Variants in SNX31 observed in about 807,000 individuals in gnomAD.
SNX31 encodes sorting nexin 31.
A neutral mutation model predicts 65.4 loss-of-function variants in SNX31; 58 were observed. That is an observed-to-expected ratio of 0.89 (90% CI 0.72 to 1.10). SNX31 has a LOEUF of 1.10. Ranked by LOEUF, SNX31 falls within the 50% of genes least tolerant of loss-of-function variation. The pLI is 0.00. For missense variants in SNX31, 523 were observed against 529.7 expected, an observed-to-expected ratio of 0.99 and a Z score of 0.12; for synonymous variants, 181 against 190.1, an observed-to-expected ratio of 0.95 and a Z score of 0.39.
At position 100,660,290 on chromosome 8, in the gene SNX31, A is replaced by G. The variant is rs551072982; in HGVS notation, c.-58+2852T>C. Among the ~76,000 whole-genome samples, 1 of 152,234 alleles carries G rather than the reference A, an allele frequency of 6.6e-6. No homozygotes were observed. The highest frequency in any genetic ancestry group is 2.1e-4 in the South Asian group (1 of 4,836). ...ATGCTGATTTTCAGATTAAAAAACT[A>G]AAGCAGAAAGAGGTGAGCTTGTCCC... On this transcript the variant is annotated intron_variant, in intron 1 of 5. Coordinates refer to the SNX31 transcript ENST00000520352. The surrounding 1 kb of genome is among the most constrained non-coding windows in gnomAD (Gnocchi z 4.1).
rs141084195 is a variant in SNX31 at position 100,645,654 on chromosome 8, C to G, written c.141+3620G>C. Among the ~76,000 whole-genome samples the G allele has an allele frequency of 1.4e-3, 196 of 143,170 alleles. 2 individuals carry two copies. The highest frequency in any genetic ancestry group is 5.1e-3 in the African/African-American group (192 of 37,576). 93.9% of individuals were successfully genotyped at this position (143,170 alleles called of 152,430 possible). On this transcript the variant is annotated intron_variant, in intron 2 of 13. Coordinates refer to ENST00000311812, the MANE Select transcript of SNX31 (RefSeq NM_152628.4). Reference sequence around the variant, plus strand: ...TGAGACAAGGTCTCACTCTGTCACCCAGGTTGGAGTGCAGTGGCGCAATCT... The same window carrying G: ...TGAGACAAGGTCTCACTCTGTCACCGAGGTTGGAGTGCAGTGGCGCAATCT...
chr8:100,578,684 T>A lies in SNX31; in HGVS notation c.1171-1609A>T, dbSNP rs528159457. On this transcript the variant is annotated intron_variant, in intron 12 of 13. Coordinates refer to ENST00000311812, the MANE Select transcript of SNX31 (RefSeq NM_152628.4). The surrounding 1 kb of genome is among the most constrained non-coding windows in gnomAD (Gnocchi z 4.7). ...ACATATTTAAGCCTATTTCAATGAT[T>A]TTTTATTTTATTTTATTTTATTTTA... is the stretch of plus-strand genomic sequence containing the variant. Among the ~76,000 whole-genome samples the A allele has an allele frequency of 6.2e-5, 9 of 145,368 alleles. No homozygotes were observed. Among genetic ancestry groups the A allele is most frequent in the African/African-American group, 2.1e-4 (8 of 38,690 alleles).
upstream of SNX31, among the ~76,000 whole-genome samples, chr8:100,654,542 G>A (rs1820026807): frequency 6.6e-6 from 1 of 152,206 alleles, no homozygotes; most frequent in East Asian, 1.9e-4. Context: ...CAGATTTGAG[G>A]GATGACATCA....
In SNX31 at chr8:100,594,065, G is replaced by T. The variant is rs1401706188; in HGVS notation, c.978+2574C>A. Among the ~76,000 whole-genome samples, 4 of 152,104 alleles carry T rather than the reference G, an allele frequency of 2.6e-5. No homozygotes were observed. The highest frequency in any genetic ancestry group is 5.9e-5 in the Non-Finnish European group (4 of 68,024). ...CACCTGTAATCCCAGCACTTTGGGA[G>T]GCCGAAGCAGGCAGATTGTTTGAGG... On this transcript the variant is annotated intron_variant, in intron 10 of 13. Coordinates refer to ENST00000311812, the MANE Select transcript of SNX31 (RefSeq NM_152628.4). This position sits in a 1 kb window ranked among gnomAD's most constrained non-coding sequence, Gnocchi z 4.0.
intron 1 of SNX31, chr8:100,657,871 A>G (rs1312543772): frequency 2.6e-6 from 1 of 377,856 alleles, no homozygotes; most frequent in Non-Finnish European, 5.2e-6. Flanking sequence ...ACTCCATCTC[A>G]AAAGAAAACA....
chr8:100,644,016 G>A (rs536333598), intron 2 of SNX31, among the ~76,000 whole-genome samples: 1 of 152,272 alleles, frequency 6.6e-6, no homozygotes, highest in South Asian at 2.1e-4. Context: ...CCCTTGACAG[G>A]TAGACTAAAA....
At chr8:100,659,478 A>G (rs1809741908) in intron 1 of SNX31, among the ~76,000 whole-genome samples, 1 of 152,044 alleles carries the variant, frequency 6.6e-6, no homozygotes, top group South Asian at 2.1e-4. Flanking sequence ...ACAGATATCT[A>G]AGATATTTGG....
chr8:100,605,400 T>C (rs1816054871), intron 8 of SNX31, among the ~76,000 whole-genome samples: 1 of 152,168 alleles, frequency 6.6e-6, no homozygotes, highest in Admixed American at 6.5e-5. Context: ...ACCTTTGACT[T>C]CTTAGCTCCT....
At chr8:100,642,620 T>C (rs1204984293) in intron 2 of SNX31, among the ~76,000 whole-genome samples, 5 of 152,058 alleles carry the variant, frequency 3.3e-5, no homozygotes, top group Admixed American at 2.0e-4. Context: ...GGAAACTGAG[T>C]AGTTAAATGT....
Position 100,576,923 on chromosome 8 carries a change from C to T in SNX31, c.1227+96G>A. The T allele has an allele frequency of 3.0e-6, 3 of 997,850 alleles. No individual in the cohort carries two copies. In the East Asian group the frequency reaches 7.3e-5, roughly 24 times the overall value. 61.8% of individuals were successfully genotyped at this position (997,850 alleles called of 1,614,324 possible). A position where few individuals can be genotyped will look rare whatever the true frequency, so the allele number is the denominator to read the frequency against. ...GAGCTTCTGAGAAACATAATTCTGACTTATTATTGAAAGTGAGATGACTTT... is the reference window on the plus strand; with the variant it reads ...GAGCTTCTGAGAAACATAATTCTGATTTATTATTGAAAGTGAGATGACTTT... On this transcript the variant is annotated intron_variant, in intron 13 of 13. Transcript: ENST00000311812. The surrounding 1 kb of genome is among the most constrained non-coding windows in gnomAD (Gnocchi z 4.8).
chr8:100,599,448 CTTT>C (rs568047251), intron 9 of SNX31, among the ~76,000 whole-genome samples: 3 of 141,614 alleles, frequency 2.1e-5, no homozygotes. Context: ...AAACTGAACT[CTTT>C]TTTTTTTTTT....
In SNX31 at chr8:100,578,271, T is replaced by G. The variant is rs1319423296; in HGVS notation, c.1171-1196A>C. On this transcript the variant is annotated intron_variant, in intron 12 of 13. Coordinates refer to ENST00000311812, the MANE Select transcript of SNX31 (RefSeq NM_152628.4). This position sits in a 1 kb window ranked among gnomAD's most constrained non-coding sequence, Gnocchi z 4.7. ...GAAAGAGTTCTTAGACTCTTCTTAA[T>G]GGGAAAGAAAAGAACTGCTATGTGC... Among the ~76,000 whole-genome samples, 1 of 152,194 alleles carries G rather than the reference T, an allele frequency of 6.6e-6. No individual in the cohort carries two copies. The highest frequency in any genetic ancestry group is 6.5e-5 in the Admixed American group (1 of 15,280).
chr8:100,658,145 C>T (rs1820082081), intron 1 of SNX31, among the ~76,000 whole-genome samples: 1 of 152,136 alleles, frequency 6.6e-6, no homozygotes, highest in Non-Finnish European at 1.5e-5. Context: ...GATGCTAATG[C>T]TCCCGAAGTG....
intron 8 of SNX31, among the ~76,000 whole-genome samples, 161 bp downstream of exon 8, chr8:100,608,333 C>CG (rs1439634569): frequency 6.6e-6 from 1 of 152,040 alleles, no homozygotes; most frequent in Non-Finnish European, 1.5e-5. Context: ...TTCTCCACCC[C>CG]CCACAGCCCC....
rs1487074228 is a variant in SNX31 at position 100,613,126 on chromosome 8, GC to G, written c.433-42del. 1 of 1,488,178 alleles carries G rather than the reference GC, an allele frequency of 6.7e-7. No individual in the cohort carries two copies. Among genetic ancestry groups the G allele is most frequent in the Non-Finnish European group, 9.4e-7 (1 of 1,065,920 alleles). The allele number at this position is 1,488,178 out of a possible 1,614,324, so 92.2% of individuals were successfully genotyped here. On this transcript the variant is annotated intron_variant, in intron 5 of 13. Transcript: ENST00000311812. The surrounding 1 kb of genome is among the most constrained non-coding windows in gnomAD (Gnocchi z 5.2). ...AGCAGAAAGGGAAAAAGTTAGGTGT[GC>G]CCACCATGCATCCTAACTGTGACAT...
chr8:100,598,613 T>C (rs1477066650), intron 9 of SNX31, among the ~76,000 whole-genome samples: 1 of 152,030 alleles, frequency 6.6e-6, no homozygotes, highest in African/African-American at 2.4e-5. Flanking sequence ...ACTAACTATA[T>C]GAACACCAGA....
chr8:100,623,453 C>T (rs186848679), intron 4 of SNX31, among the ~76,000 whole-genome samples: 8 of 152,312 alleles, frequency 5.3e-5, no homozygotes, highest in Non-Finnish European at 1.2e-4. Context: ...TTCTGACTCA[C>T]ATTCATCTTC....
intron 2 of SNX31, among the ~76,000 whole-genome samples, chr8:100,641,601 TACAC>T (rs1197467682): frequency 1.4e-4 from 3 of 20,856 alleles, no homozygotes; most frequent in African/African-American, 4.4e-4. Flanking sequence ...TATATACACA[TACAC>T]ACACACACGC....
intron 10 of SNX31, among the ~76,000 whole-genome samples, chr8:100,591,770 G>A (rs890874475): frequency 1.8e-4 from 27 of 149,364 alleles, no homozygotes; most frequent in African/African-American, 5.7e-4. Context: ...TTGAGGCTGC[G>A]GTGAGCCATA....
Sources: allele counts gnomAD v4.1 joint callset (sites outside exome capture counted in the v4.1 genomes callset), GRCh38; gene constraint gnomAD v4.1.1; non-coding constraint Gnocchi (gnomAD v3.1); transcripts MANE v1.5; gene names NCBI Gene and HGNC (gene_info 2026-07-23, HGNC 2026-07-21).